DNMBP: variants seen among roughly 807,000 people sequenced by gnomAD.
DNMBP encodes dynamin-binding protein.
DNMBP carries 87 observed loss-of-function variants against 150.0 expected under a neutral mutation model. That is an observed-to-expected ratio of 0.58 (90% CI 0.49 to 0.69). The LOEUF (loss-of-function observed/expected upper bound fraction) is 0.69, where lower values mean the gene tolerates loss of function less well. Among genes scored for constraint, DNMBP ranks in the 30% least tolerant of loss-of-function variants. The pLI, the probability that DNMBP is intolerant of heterozygous loss-of-function variation, is 0.00. For missense variants in DNMBP, 1,774 were observed against 1,949.0 expected (o/e 0.91, Z 1.69); for synonymous variants, 711 against 750.4 (o/e 0.95, Z 0.86).
chr10:99,993,728 G>C (rs549733045), intron 1 of DNMBP, among the ~76,000 whole-genome samples: 2 of 152,186 alleles, frequency 1.3e-5, no homozygotes, highest in African/African-American at 4.8e-5. Flanking sequence ...CTTAAGCCTG[G>C]GAGATTTGAG....
intron 1 of DNMBP, among the ~76,000 whole-genome samples, chr10:99,981,928 T>C (rs538073101): frequency 2.0e-5 from 3 of 152,324 alleles, no homozygotes; most frequent in Admixed American, 2.0e-4. Flanking sequence ...TTCTCTTGCA[T>C]CAGGTAACCA....
In DNMBP at chr10:99,910,806, T is replaced by G. The variant is rs193156035; in HGVS notation, c.2261-1660A>C. ...TTTGAGTATAAATGAAAAAGCACAA[T>G]GGATTATTCCACTGAATAAGAACCT... On this transcript the variant is annotated intron_variant, in intron 4 of 16. Transcript: ENST00000324109. Among the ~76,000 whole-genome samples, 3 of 152,322 alleles carry G rather than the reference T, an allele frequency of 2.0e-5. No homozygotes were observed. The East Asian group carries it at 5.8e-4, about 29-fold the overall frequency.
At chr10:99,931,192 C>T (rs919418365) in intron 4 of DNMBP, among the ~76,000 whole-genome samples, 10 of 152,184 alleles carry the variant, frequency 6.6e-5, no homozygotes, top group African/African-American at 2.4e-4. Context: ...CAGTCTCCCC[C>T]GCCTCTTTAA....
At chr10:100,005,446 G>C (rs2041057565) in intron 1 of DNMBP, among the ~76,000 whole-genome samples, 2 of 152,058 alleles carry the variant, frequency 1.3e-5, no homozygotes, top group Non-Finnish European at 2.9e-5. Flanking sequence ...TAACAATATG[G>C]ATGGATCTTA....
intron 11 of DNMBP, among the ~76,000 whole-genome samples, chr10:99,891,510 T>C (rs1031838747): frequency 6.6e-6 from 1 of 151,990 alleles, no homozygotes; most frequent in Admixed American, 6.5e-5. Flanking sequence ...AGTGGCGTGA[T>C]CTCGGCTCGC....
intron 11 of DNMBP, among the ~76,000 whole-genome samples, chr10:99,893,413 C>T (rs1325662268): frequency 6.6e-6 from 1 of 152,140 alleles, no homozygotes. Flanking sequence ...ATGACTTGTC[C>T]ACAGTGATAT....
chr10:99,926,535 T>C (rs2040080380), intron 4 of DNMBP, among the ~76,000 whole-genome samples: 1 of 152,130 alleles, frequency 6.6e-6, no homozygotes, highest in African/African-American at 2.4e-5. Flanking sequence ...TCTCCAGTCC[T>C]CCCCTCAGGG....
At chr10:99,888,788 G>A in intron 12 of DNMBP, 37 bp downstream of exon 12, 1 of 1,612,454 alleles carries the variant, frequency 6.2e-7, no homozygotes. Context: ...AGATGACCCT[G>A]GGAAGGGGGC....
intron 1 of DNMBP, among the ~76,000 whole-genome samples, chr10:99,987,814 A>C (rs1376498497): frequency 6.6e-6 from 1 of 152,182 alleles, no homozygotes; most frequent in African/African-American, 2.4e-5. Flanking sequence ...AACAAAAAGG[A>C]TATTTTAATA....
chr10:99,988,250 T>A (rs1385709396), intron 1 of DNMBP, among the ~76,000 whole-genome samples: 1 of 152,236 alleles, frequency 6.6e-6, no homozygotes, highest in Non-Finnish European at 1.5e-5. Context: ...TTTAGAGACT[T>A]CAATTTTCAA....
intron 3 of DNMBP, chr10:99,957,408 C>A: frequency 1.7e-6 from 1 of 598,928 alleles, no homozygotes; most frequent in Non-Finnish European, 2.9e-6. Context: ...TCCATGGAAC[C>A]CTACAGGTGG....
chr10:99,999,464 ATTG>A (rs1589455199), intron 1 of DNMBP, among the ~76,000 whole-genome samples: 1 of 152,256 alleles, frequency 6.6e-6, no homozygotes. Flanking sequence ...TTTTTACATT[ATTG>A]TTGTTGTTAC....
chr10:99,971,003 A>AAG (rs2040670070), intron 2 of DNMBP, among the ~76,000 whole-genome samples: 1 of 149,244 alleles, frequency 6.7e-6, no homozygotes, highest in Non-Finnish European at 1.5e-5. Flanking sequence ...AAAAAAGGAA[A>AAG]GCAGTAGTAA....
chr10:100,007,392 G>A (rs2041086164), intron 1 of DNMBP, among the ~76,000 whole-genome samples: 1 of 151,802 alleles, frequency 6.6e-6, no homozygotes, highest in Non-Finnish European at 1.5e-5. Flanking sequence ...CACGACCCCG[G>A]CACACACAGG....
At chr10:99,891,785 C>T (rs1414369444) in intron 11 of DNMBP, among the ~76,000 whole-genome samples, 3 of 151,314 alleles carry the variant, frequency 2.0e-5, no homozygotes, top group Non-Finnish European at 2.9e-5. Context: ...TCTGCCCGGC[C>T]GCCCATCGTC....
Position 99,914,215 on chromosome 10 carries a change from GA to G in DNMBP, c.2261-5070del, listed in dbSNP as rs1230957014. 8.3e-6 allele frequency: 7 copies of G among 843,994 alleles called. No homozygotes were observed. In the African/African-American group the frequency reaches 1.2e-4, roughly 15 times the overall value. The allele number at this position is 843,994 out of a possible 1,614,324, so 52.3% of individuals were successfully genotyped here. The stretch of plus-strand genomic sequence containing the variant: ...GCACCAGCGGGCCCAGCAGTACCTG[GA>G]TCAACACCTTCCTTTCTATTTGGTG... On this transcript the variant is annotated intron_variant, in intron 4 of 16. Transcript: ENST00000324109.
chr10:99,936,561 C>T (rs12261921), intron 4 of DNMBP, among the ~76,000 whole-genome samples: 9,187 of 150,574 alleles, frequency 0.061, 384 homozygotes, highest in African/African-American at 0.11. Flanking sequence ...GTTGCCCAGG[C>T]CGGAGTGCAG....
intron 7 of DNMBP, 45 bp from the exon 8 acceptor site, chr10:99,898,805 G>C (rs757195260): frequency 5.1e-6 from 8 of 1,571,062 alleles, no homozygotes; most frequent in Admixed American, 1.7e-5. Flanking sequence ...GTTTATTAGA[G>C]AGAGAATCTT....
intron 10 of DNMBP, among the ~76,000 whole-genome samples, chr10:99,895,262 G>C (rs2039636364): frequency 6.6e-6 from 1 of 151,916 alleles, no homozygotes; most frequent in African/African-American, 2.4e-5. Context: ...GCATAGCTGA[G>C]ATTACAGGCT....
Sources: gnomAD v4.1 joint callset for allele counts (sites outside exome capture counted in the v4.1 genomes callset) on GRCh38, gnomAD v4.1.1 for gene constraint, MANE v1.5 for transcripts, NCBI Gene and HGNC (gene_info 2026-07-23, HGNC 2026-07-21) for gene names.